ATRNL1: variants seen among roughly 807,000 people sequenced by gnomAD.
The protein encoded by ATRNL1 is attractin like 1, also known as attractin-like protein 1.
In ATRNL1, 95 loss-of-function variants were observed where a neutral mutation model predicts 182.7. The ratio of observed to expected loss-of-function variants is 0.52; its 90% CI spans 0.44 to 0.62. The LOEUF (loss-of-function observed/expected upper bound fraction) is 0.62, where lower values mean the gene tolerates loss of function less well. ATRNL1 is among the 20% of genes least tolerant of loss of function. The pLI is 0.00. For missense variants in ATRNL1, 1,471 were observed against 1,679.5 expected (o/e 0.88, Z 2.17); for synonymous variants, 576 against 568.3 (o/e 1.01, Z -0.19).
chr10:115,229,022 C>T (rs561156055), intron 9 of ATRNL1, among the ~76,000 whole-genome samples: 2 of 152,128 alleles, frequency 1.3e-5, no homozygotes, highest in East Asian at 3.9e-4. Flanking sequence ...CCACCTCGAC[C>T]TCCTGTAGTG....
chr10:115,869,584 A>G (rs1555105586), intron 28 of ATRNL1, among the ~76,000 whole-genome samples: 2 of 152,158 alleles, frequency 1.3e-5, no homozygotes, highest in African/African-American at 4.8e-5. Context: ...ACCACCACAC[A>G]CAAACATATG....
intron 28 of ATRNL1, among the ~76,000 whole-genome samples, chr10:115,900,549 T>A (rs1419752783): frequency 6.6e-6 from 1 of 152,230 alleles, no homozygotes; most frequent in Non-Finnish European, 1.5e-5. Flanking sequence ...CAGATGCTTA[T>A]ACTAAGGCTT....
intron 28 of ATRNL1, among the ~76,000 whole-genome samples, chr10:115,914,185 G>A (rs948082558): frequency 1.3e-5 from 2 of 152,180 alleles, no homozygotes; most frequent in Non-Finnish European, 2.9e-5. Flanking sequence ...CACCATGATT[G>A]TAAGTTTCTT....
intron 27 of ATRNL1, among the ~76,000 whole-genome samples, chr10:115,759,841 ATTTTTTTTTTTT>A (rs58578796): frequency 1.6e-5 from 1 of 62,684 alleles, no homozygotes; most frequent in East Asian, 5.4e-4. Flanking sequence ...ACACCTGGCT[ATTTTTTTTTTTT>A]TTTTTTTTTT....
chr10:115,643,685 A>G (rs1555031282), intron 26 of ATRNL1, among the ~76,000 whole-genome samples: 1 of 152,176 alleles, frequency 6.6e-6, no homozygotes, highest in African/African-American at 2.4e-5. Flanking sequence ...TAAGAATATG[A>G]TGATACTCAA....
intron 28 of ATRNL1, among the ~76,000 whole-genome samples, chr10:115,922,107 C>T (rs1331404623): frequency 6.6e-6 from 1 of 152,152 alleles, no homozygotes; most frequent in Non-Finnish European, 1.5e-5. Flanking sequence ...ACTCTGAACC[C>T]TGCCCCCACG....
At chr10:115,469,644 A>T (rs1339434527) in intron 24 of ATRNL1, among the ~76,000 whole-genome samples, 2 of 150,660 alleles carry the variant, frequency 1.3e-5, no homozygotes, top group African/African-American at 2.4e-5. Context: ...CTGTTCTCAT[A>T]TAACCCCACT....
At chr10:115,550,991 T>C (rs1852955151) in intron 26 of ATRNL1, among the ~76,000 whole-genome samples, 4 of 151,746 alleles carry the variant, frequency 2.6e-5, no homozygotes, top group African/African-American at 7.2e-5. Flanking sequence ...TGTGAAAATA[T>C]CAATTTGTAA....
At chr10:115,290,939 TC>T (rs1271953726) in intron 15 of ATRNL1, among the ~76,000 whole-genome samples, 2 of 152,192 alleles carry the variant, frequency 1.3e-5, no homozygotes, top group African/African-American at 4.8e-5. Context: ...TGTTGCCTGT[TC>T]CTTTACTGTA....
chr10:115,779,411 T>C (rs544837315), intron 27 of ATRNL1, among the ~76,000 whole-genome samples: 52 of 152,286 alleles, frequency 3.4e-4, no homozygotes, highest in African/African-American at 1.2e-3. Flanking sequence ...TGCCTCTAGG[T>C]CTGAGGGAGT....
At position 115,301,964 on chromosome 10, in the gene ATRNL1, A is replaced by G; in HGVS notation, c.2739A>G (p.Lys913=). The G allele has an allele frequency of 6.2e-7, 1 of 1,614,118 alleles. No homozygotes were observed. The highest frequency in any genetic ancestry group is 2.2e-5 in the East Asian group (1 of 44,882). The change falls in exon 17 of 29, where the codon AAA becomes AAG. Residue 913 remains lysine, a synonymous_variant. Coordinates refer to ENST00000355044, the MANE Select transcript of ATRNL1 (RefSeq NM_207303.4). ...AGTGTATGTGGTGCAGCAGTACGAA[A>G]CGATGTGTTGACTCTAATGCCTATA... is the stretch of plus-strand genomic sequence containing the variant. ...GMECMWCSST[K]RCVDSNAYII... is the part of the protein sequence containing the mutation.
intron 19 of ATRNL1, among the ~76,000 whole-genome samples, chr10:115,336,511 G>T (rs1432643188): frequency 2.6e-5 from 4 of 152,158 alleles, no homozygotes; most frequent in Non-Finnish European, 5.9e-5. Flanking sequence ...GGTTATGTGT[G>T]TTAATGTATT....
Position 115,574,709 on chromosome 10 carries a change from C to G in ATRNL1, c.3795+25173C>G, listed in dbSNP as rs546284165. On this transcript the variant is annotated intron_variant, in intron 26 of 28. Transcript: ENST00000355044. Reference sequence around the variant, plus strand: ...TGATTTCAGGAGCCCTAGAAATTCTCTGGCCATTGCTGATACCAAAGCCAG... The same window carrying G: ...TGATTTCAGGAGCCCTAGAAATTCTGTGGCCATTGCTGATACCAAAGCCAG... Among the ~76,000 whole-genome samples the G allele has an allele frequency of 2.6e-5, 4 of 152,292 alleles. No homozygotes were observed. The East Asian group carries it at 5.8e-4, about 22-fold the overall frequency.
intron 24 of ATRNL1, among the ~76,000 whole-genome samples, chr10:115,503,581 T>G (rs1487372428): frequency 6.9e-6 from 1 of 144,474 alleles, no homozygotes; most frequent in African/African-American, 2.9e-5. Flanking sequence ...ATTTCATTGT[T>G]TTAACCAATT....
intron 26 of ATRNL1, among the ~76,000 whole-genome samples, chr10:115,595,466 A>G (rs1166534474): frequency 6.6e-6 from 1 of 152,148 alleles, no homozygotes; most frequent in African/African-American, 2.4e-5. Flanking sequence ...TGAATTTGGT[A>G]ATTTATTTTC....
chr10:115,226,039 G>T (rs1592286213), intron 9 of ATRNL1, among the ~76,000 whole-genome samples: 1 of 151,510 alleles, frequency 6.6e-6, no homozygotes, highest in East Asian at 1.9e-4. Flanking sequence ...CATCACTTAT[G>T]ATTTTACAAT....
chr10:115,242,358 G>C (rs1410894736), intron 10 of ATRNL1, among the ~76,000 whole-genome samples: 1 of 151,810 alleles, frequency 6.6e-6, no homozygotes, highest in Non-Finnish European at 1.5e-5. Flanking sequence ...ATCAATTTCT[G>C]AATATTTAAG....
intron 26 of ATRNL1, among the ~76,000 whole-genome samples, chr10:115,709,664 G>A (rs1212340922): frequency 2.0e-5 from 3 of 151,880 alleles, no homozygotes; most frequent in African/African-American, 7.2e-5. Context: ...GGAATTTATA[G>A]TATAAAGAAG....
intron 7 of ATRNL1, among the ~76,000 whole-genome samples, 183 bp downstream of exon 7, chr10:115,165,828 A>G (rs891026719): frequency 9.9e-5 from 15 of 152,068 alleles, no homozygotes; most frequent in African/African-American, 2.2e-4. Context: ...TTTTAGAACA[A>G]TCCCCCACAT....
Sources: allele counts gnomAD v4.1 joint callset (sites outside exome capture counted in the v4.1 genomes callset), GRCh38; gene constraint gnomAD v4.1.1; transcripts MANE v1.5; gene names NCBI Gene and HGNC (gene_info 2026-07-23, HGNC 2026-07-21).